The following PLEC variants were observed in gnomAD, a reference collection of about 807,000 sequenced individuals.
PLEC encodes the protein hemidesmosomal protein 1.
In PLEC, 216 loss-of-function variants were observed where a neutral mutation model predicts 392.8. The ratio of observed to expected loss-of-function variants is 0.55; its 90% CI spans 0.49 to 0.62. The LOEUF (loss-of-function observed/expected upper bound fraction) is 0.62, where lower values mean the gene tolerates loss of function less well. PLEC is among the 20% of genes least tolerant of loss of function. The pLI is 0.00. For missense variants in PLEC, 6,863 were observed against 6,563.4 expected (o/e 1.05, Z -1.58); for synonymous variants, 3,621 against 2,980.6 (o/e 1.21, Z -7.00).
chr8:143,928,934 C>T (rs1297228931), intron 25 of PLEC, among the ~76,000 whole-genome samples, 169 bp downstream of exon 25: 3 of 152,174 alleles, frequency 2.0e-5, no homozygotes, highest in Non-Finnish European at 2.9e-5. Context: ...GCCCTGAACT[C>T]TTCTCACCAC....
Position 143,935,997 on chromosome 8 carries a change from C to T in PLEC, c.453G>A (p.Val151=), listed in dbSNP as rs1554723013. Residue 151 remains valine, a synonymous_variant, in exon 6 of 32, where the codon GTG becomes GTA. Transcript: ENST00000345136. ...CCGTCATGTCCTCCGACTGCCCACT[C>T]ACCTGGATATCTGAGATCTGCTCAC... ...ILHFQISDIQ[V]SGQSEDMTAK... is the part of the protein sequence containing the mutation. 3 of 1,612,270 alleles carry T rather than the reference C, an allele frequency of 1.9e-6. No individual in the cohort carries two copies. In the African/African-American group the frequency reaches 4.0e-5, roughly 22 times the overall value.
At chr8:143,954,553 A>AC (rs1400530260), upstream of PLEC, among the ~76,000 whole-genome samples, 2 of 148,192 alleles carry the variant, frequency 1.3e-5, no homozygotes, top group African/African-American at 5.0e-5. The surrounding 1 kb of genome is among the most constrained non-coding windows in gnomAD (Gnocchi z 4.6). Context: ...TCCCTCACCC[A>AC]CCCCCCACGA....
chr8:143,917,266 G>A lies in PLEC; in HGVS notation c.12555C>T (p.Ser4185=). The change falls in exon 32 of 32, where the codon TCC becomes TCT. Residue 4185 remains serine (S), a synonymous_variant. Coordinates refer to ENST00000345136, the MANE Select transcript of PLEC (RefSeq NM_201384.3). The part of the protein sequence containing the change: ...ECEWEEITIS[S]SDGVVKSMII... ...TCATGGACTTGACCACGCCGTCCGA[G>A]GAGGAGATGGTGATCTCCTCCCACT... is the stretch of plus-strand genomic sequence containing the variant. The A allele has an allele frequency of 6.2e-7, 1 of 1,610,896 alleles. No homozygotes were observed. The highest frequency in any genetic ancestry group is 8.5e-7 in the Non-Finnish European group (1 of 1,178,818).
rs1554697847 is a variant in PLEC at position 143,924,518 on chromosome 8, G to A, written c.5411C>T (p.Ala1804Val). ...CTCTTCCGCCAGGGCACGCAGGCGG[G>A]CGGCCTCCTCGGCCAGCTCGCGGAA... ...GRFRELAEEA[A>V]RLRALAEEAK... Residue 1804 changes from alanine (A) to valine (V), a missense_variant, in exon 31 of 32, where the codon GCC becomes GTC. By Grantham distance (64) the Ala-to-Val change is moderately conservative (BLOSUM62 0). Coordinates refer to ENST00000345136, the MANE Select transcript of PLEC (RefSeq NM_201384.3). 2 of 1,538,876 alleles carry A rather than the reference G, an allele frequency of 1.3e-6. No homozygotes were observed. The highest frequency in any genetic ancestry group is 1.7e-6 in the Non-Finnish European group (2 of 1,149,012).
rs376081492 is a variant in PLEC, at chr8:143,921,177, G to A, written c.8644C>T (p.Leu2882=). 2.9e-4 allele frequency: 462 copies of A among 1,613,818 alleles called. No individual in the cohort carries two copies. The highest frequency in any genetic ancestry group is 3.7e-4 in the Non-Finnish European group (439 of 1,180,062). Residue 2882 remains leucine (L), a synonymous_variant, in exon 32 of 32, where the codon CTG becomes TTG. Coordinates refer to ENST00000345136, the MANE Select transcript of PLEC (RefSeq NM_201384.3). Reference sequence around the variant, plus strand: ...TTGGCAGCCTTATCCGTGAGTGGCAGAAGGCACAGGCCCGTCTCGGGGTCC... The same window carrying A: ...TTGGCAGCCTTATCCGTGAGTGGCAAAAGGCACAGGCCCGTCTCGGGGTCC... ...VEDPETGLCL[L]PLTDKAAKGG...
In PLEC at chr8:143,969,529, A is replaced by C. The variant is rs1253128278; in HGVS notation, c.70+3874T>G. 7.2e-5 allele frequency among the ~76,000 whole-genome samples: 11 copies of C among 152,312 alleles called. No homozygotes were observed. The East Asian group carries it at 2.1e-3, about 29-fold the overall frequency. ...CATAGAGGCTGGGCCGTCCTGCCAC[A>C]CCATGGGAGCCTGGAGAGAGACCTG... On this transcript the variant is annotated intron_variant, in intron 1 of 31. Transcript: ENST00000356346. This position sits in a 1 kb window ranked among gnomAD's most constrained non-coding sequence, Gnocchi z 5.1.
rs782228452 is a variant in PLEC, at chr8:143,917,127, A to G, written c.12694T>C (p.Phe4232Leu). 1 of 1,604,042 alleles carries G rather than the reference A, an allele frequency of 6.2e-7. No homozygotes were observed. Among genetic ancestry groups the G allele is most frequent in the African/African-American group, 1.3e-5 (1 of 74,734 alleles). ...GCGTTGCCCGAGAGCATGTCGGCGA[A>G]CTCGGTGATGGAGAGCGTGCCGGCG... Reference protein sequence around the residue: ...YRAGTLSITEFADMLSGNAGG... With the variant: ...YRAGTLSITELADMLSGNAGG... Residue 4232 changes from phenylalanine (F) to leucine (L), a missense_variant, in exon 32 of 32, where the codon TTC becomes CTC. By Grantham distance (22) the Phe-to-Leu change is conservative (BLOSUM62 0). Transcript: ENST00000345136.
intron 1 of PLEC, among the ~76,000 whole-genome samples, chr8:143,970,322 G>T (rs1833354988): frequency 6.6e-6 from 1 of 152,018 alleles, no homozygotes; most frequent in African/African-American, 2.4e-5. Context: ...ATCAAGCAGG[G>T]TGGAAGTATA....
Position 143,921,635 on chromosome 8 carries a change from A to G in PLEC, c.8186T>C (p.Leu2729Pro). 1 of 1,613,058 alleles carries G rather than the reference A, an allele frequency of 6.2e-7. No homozygotes were observed. Among genetic ancestry groups the G allele is most frequent in the Non-Finnish European group, 8.5e-7 (1 of 1,179,910 alleles). Residue 2729 changes from leucine (L) to proline (P), a missense_variant, in exon 32 of 32, where the codon CTG becomes CCG. Leu to Pro is a moderately conservative substitution (Grantham distance 98). Coordinates refer to ENST00000345136, the MANE Select transcript of PLEC (RefSeq NM_201384.3). ...GCCTGAGGCCGCCTGCGCCTCCAGC[A>G]GGATGAGGGCCGTGCCGGGACTCAG... Reference protein sequence around the residue: ...QLLSPGTALILLEAQAASGFL... With the variant: ...QLLSPGTALIPLEAQAASGFL...
At chr8:143,942,899 G>A (rs1830772652), upstream of PLEC, among the ~76,000 whole-genome samples, 1 of 152,154 alleles carries the variant, frequency 6.6e-6, no homozygotes, top group Non-Finnish European at 1.5e-5. Flanking sequence ...GAGCTGAGCC[G>A]CGTCTGGCAC....
At chr8:143,935,375 C>T (rs951121149) in intron 6 of PLEC, 62 bp from the exon 7 acceptor site, 12 of 1,164,410 alleles carry the variant, frequency 1.0e-5, no homozygotes, top group Admixed American at 7.4e-5. Flanking sequence ...ACCACACAGG[C>T]GGGTGCACAG....
At chr8:143,933,173 CA>C (rs1263186204) in intron 13 of PLEC, 23 bp downstream of exon 13, 2 of 1,610,394 alleles carry the variant, frequency 1.2e-6, no homozygotes, top group African/African-American at 2.7e-5. Context: ...ACCTGGGCTT[CA>C]GGGAGGGCAG....
rs1554694493 is a variant in PLEC at position 143,923,858 on chromosome 8, A to G, written c.6071T>C (p.Leu2024Pro). The stretch of plus-strand genomic sequence containing the variant: ...CGACTCCTGCTCCGCTCGCTCCCGC[A>G]GGCGCCGCGCCTCCTCCACCTTGGC... ...LKAKVEEARR[L>P]RERAEQESAR... Residue 2024 changes from leucine to proline, a missense_variant, in exon 31 of 32, where the codon CTG becomes CCG. Transcript: ENST00000345136. The G allele has an allele frequency of 6.3e-7, 1 of 1,589,988 alleles. No homozygotes were observed. Among genetic ancestry groups the G allele is most frequent in the Non-Finnish European group, 8.5e-7 (1 of 1,176,116 alleles).
Position 143,929,827 on chromosome 8 carries a change from G to T in PLEC, c.2742C>A (p.Phe914Leu), listed in dbSNP as rs1826574724. The change falls in exon 23 of 32, where the codon TTC (phenylalanine) becomes TTA (leucine). Residue 914 changes from phenylalanine to leucine, a missense_variant and splice_region_variant. Phe to Leu is a conservative substitution (Grantham distance 22, BLOSUM62 0). Transcript: ENST00000345136. ...GCTGCTCCTCTGGCTTCAGGGTGCG[G>T]AACTGGGGGAAGCACGTGGGGCTGA... ...QLIRSWSLAT[F>L]RTLKPEEQRQ... 6 of 1,599,470 alleles carry T rather than the reference G, an allele frequency of 3.8e-6. No homozygotes were observed. The highest frequency in any genetic ancestry group is 2.2e-5 in the East Asian group (1 of 44,798).
At chr8:143,971,106 G>C (rs889085049) in intron 1 of PLEC, among the ~76,000 whole-genome samples, 9 of 152,224 alleles carry the variant, frequency 5.9e-5, no homozygotes, top group Admixed American at 3.3e-4. Flanking sequence ...TTCCAGGGGA[G>C]AGCCAGGGAA....
chr8:143,972,944 G>A (rs1012841993), intron 1 of PLEC, among the ~76,000 whole-genome samples: 1 of 152,232 alleles, frequency 6.6e-6, no homozygotes, highest in Non-Finnish European at 1.5e-5. Flanking sequence ...CCAAGGAAGG[G>A]TGGCAGCCCA....
In PLEC at chr8:143,932,626, C is replaced by A; in HGVS notation, c.1815+9G>T. On this transcript the variant is annotated intron_variant, in intron 15 of 31. Coordinates refer to ENST00000345136, the MANE Select transcript of PLEC (RefSeq NM_201384.3). ...CCCACCTCCCCCGGCTGGCCCTGCC[C>A]CCACTCACCAGCAGCTTGGCGTACT... 6.2e-7 allele frequency: 1 copy of A among 1,611,282 alleles called. No homozygotes were observed. Among genetic ancestry groups the A allele is most frequent in the Non-Finnish European group, 8.5e-7 (1 of 1,179,394 alleles).
upstream of PLEC, among the ~76,000 whole-genome samples, chr8:143,958,005 G>A (rs1343796870): frequency 6.6e-6 from 1 of 152,174 alleles, no homozygotes; most frequent in Non-Finnish European, 1.5e-5. The surrounding 1 kb of genome is among the most constrained non-coding windows in gnomAD (Gnocchi z 4.9). Context: ...AATCCTGCCA[G>A]ATACATCCAG....
At position 143,932,849 on chromosome 8, in the gene PLEC, G is replaced by C; in HGVS notation, c.1681C>G (p.Leu561Val). 6.2e-7 allele frequency: 1 copy of C among 1,612,428 alleles called. No individual in the cohort carries two copies. Among genetic ancestry groups the C allele is most frequent in the Non-Finnish European group, 8.5e-7 (1 of 1,179,840 alleles). Residue 561 changes from leucine to valine, a missense_variant, in exon 14 of 32, where the codon CTG becomes GTG. Coordinates refer to ENST00000345136, the MANE Select transcript of PLEC (RefSeq NM_201384.3). ...VEAQLGSHRG[L>V]HQSIEEFRAK... ...CGGAATTCTTCGATGGACTGGTGCA[G>C]GCCTCGGTGGCTGCCCAGCTGCGCC... is the stretch of plus-strand genomic sequence containing the variant.
Sources: gnomAD v4.1 joint callset for allele counts (sites outside exome capture counted in the v4.1 genomes callset) on GRCh38, gnomAD v4.1.1 for gene constraint, Gnocchi (gnomAD v3.1) non-coding constraint, MANE v1.5 for transcripts, NCBI Gene and HGNC (gene_info 2026-07-23, HGNC 2026-07-21) for gene names.